The following CCBE1 variants were observed in gnomAD, a reference collection of about 807,000 sequenced individuals.
The protein encoded by CCBE1 is collagen and calcium-binding EGF domain-containing protein 1.
CCBE1 carries 37 observed loss-of-function variants against 50.0 expected under a neutral mutation model. That is an observed-to-expected ratio of 0.74 (90% CI 0.57 to 0.97). The LOEUF (loss-of-function observed/expected upper bound fraction) is 0.97, where lower values mean the gene tolerates loss of function less well. CCBE1 is among the 50% of genes least tolerant of loss of function. The probability of loss-of-function intolerance (pLI) is 0.00; values close to 1 mark genes in which losing one functional copy is unlikely to be tolerated. For synonymous variants in CCBE1, 234 were observed against 203.7 expected, an observed-to-expected ratio of 1.15 and a Z score of -1.27; for missense variants, 538 against 523.8, an observed-to-expected ratio of 1.03 and a Z score of -0.26.
intron 2 of CCBE1, among the ~76,000 whole-genome samples, chr18:59,669,864 G>A (rs1035678675): frequency 3.3e-5 from 5 of 152,148 alleles, no homozygotes; most frequent in African/African-American, 4.8e-5. Context: ...AATTACTAAC[G>A]CCATGGGGTT....
intron 2 of CCBE1, among the ~76,000 whole-genome samples, chr18:59,531,195 G>A (rs576151707): frequency 1.4e-4 from 21 of 152,090 alleles, no homozygotes; most frequent in African/African-American, 4.1e-4. Flanking sequence ...TTGGCCATGC[G>A]ATTACCAAAA....
intron 2 of CCBE1, among the ~76,000 whole-genome samples, chr18:59,651,022 G>A (rs538945773): frequency 2.6e-5 from 4 of 152,224 alleles, no homozygotes; most frequent in Admixed American, 2.6e-4. Flanking sequence ...AGTTTATTAA[G>A]AACTAACCTT....
chr18:59,606,781 C>G (rs577267176), intron 2 of CCBE1, among the ~76,000 whole-genome samples: 16 of 152,086 alleles, frequency 1.1e-4, no homozygotes, highest in Non-Finnish European at 2.4e-4. Context: ...ATGGGTTAAC[C>G]TTATATTTGC....
At chr18:59,547,320 G>A (rs368259510) in intron 2 of CCBE1, among the ~76,000 whole-genome samples, 8 of 152,136 alleles carry the variant, frequency 5.3e-5, no homozygotes, top group Admixed American at 6.5e-5. Context: ...TCTGGAGTTC[G>A]AGTTGACCTT....
chr18:59,671,998 A>C lies in CCBE1; in HGVS notation c.212+24631T>G, dbSNP rs2144711500. Among the ~76,000 whole-genome samples, 2 of 152,290 alleles carry C rather than the reference A, an allele frequency of 1.3e-5. 1 individual carries two copies. Reference sequence around the variant, plus strand: ...CCTCAACAGGACAGAAGAAAGGATCAAGGACTTCAGCCATGGACGTGGAGA... The same window carrying C: ...CCTCAACAGGACAGAAGAAAGGATCCAGGACTTCAGCCATGGACGTGGAGA... On this transcript the variant is annotated intron_variant, in intron 2 of 10. Transcript: ENST00000439986.
In CCBE1 at chr18:59,514,356, G is replaced by T. The variant is rs7241148; in HGVS notation, c.213-34118C>A. Among the ~76,000 whole-genome samples, 214 of 151,908 alleles carry T rather than the reference G, an allele frequency of 1.4e-3. 1 individual carries two copies. The highest frequency in any genetic ancestry group is 4.9e-3 in the African/African-American group (202 of 41,410). ...CGCCCCTGACACGGCTCCTCCATCC[G>T]CACGTGGCCCTCCCAGTGAGTCATT... On this transcript the variant is annotated intron_variant, in intron 2 of 10. Transcript: ENST00000439986.
chr18:59,650,406 A>G (rs1227368534), intron 2 of CCBE1, among the ~76,000 whole-genome samples: 1 of 150,872 alleles, frequency 6.6e-6, no homozygotes, highest in African/African-American at 2.4e-5. Context: ...ATGTAATGAC[A>G]TTTAGCCTCC....
At chr18:59,659,881 G>T (rs1415716539) in intron 2 of CCBE1, among the ~76,000 whole-genome samples, 8 of 152,186 alleles carry the variant, frequency 5.3e-5, no homozygotes, top group Non-Finnish European at 1.0e-4. Context: ...ACAAAGCAGA[G>T]CTCAGAGGTC....
intron 2 of CCBE1, among the ~76,000 whole-genome samples, chr18:59,679,342 G>GA (rs1003634711): frequency 3.8e-4 from 57 of 151,726 alleles, no homozygotes; most frequent in Admixed American, 1.4e-3. Flanking sequence ...TTTATCCAAG[G>GA]AAAAAAAATG....
chr18:59,584,185 T>C (rs2053139115), intron 2 of CCBE1, among the ~76,000 whole-genome samples: 1 of 151,720 alleles, frequency 6.6e-6, no homozygotes, highest in Admixed American at 6.6e-5. Context: ...ACATGATGAG[T>C]TCATGTCCTT....
chr18:59,640,500 A>G lies in CCBE1; in HGVS notation c.212+56129T>C, dbSNP rs545265848. On this transcript the variant is annotated intron_variant, in intron 2 of 10. Coordinates refer to ENST00000439986, the MANE Select transcript of CCBE1 (RefSeq NM_133459.4). ...TCAACTCAAGATGGATTAAAGACTT[A>G]AACATAATGCCCAAGACTATAAAAA... is the stretch of plus-strand genomic sequence containing the variant. 2.0e-5 allele frequency among the ~76,000 whole-genome samples: 3 copies of G among 152,294 alleles called. No homozygotes were observed. In the South Asian group the frequency reaches 6.2e-4, roughly 32 times the overall value.
chr18:59,530,548 A>C (rs113455448), intron 2 of CCBE1, among the ~76,000 whole-genome samples: 3,431 of 152,248 alleles, frequency 0.023, 117 homozygotes, highest in African/African-American at 0.077. Flanking sequence ...ACATGCCATT[A>C]TCTCTCAGAA....
chr18:59,600,963 C>T (rs1306535858), intron 2 of CCBE1, among the ~76,000 whole-genome samples: 1 of 147,550 alleles, frequency 6.8e-6, no homozygotes, highest in Non-Finnish European at 1.5e-5. Context: ...GAAGAAGGGG[C>T]CCATTCTGTA....
intron 5 of CCBE1, chr18:59,459,224 A>G (rs1911348487): frequency 6.6e-6 from 1 of 152,174 alleles, no homozygotes; most frequent in African/African-American, 2.4e-5. Context: ...ACCTTACATC[A>G]CCTTTTCAAT....
chr18:59,679,535 G>A (rs549327817), intron 2 of CCBE1, among the ~76,000 whole-genome samples: 8 of 152,222 alleles, frequency 5.3e-5, no homozygotes, highest in Non-Finnish European at 2.9e-5. Context: ...CAGAATTTTC[G>A]TATGAGCATA....
At chr18:59,437,650 A>G (rs1238234112) in intron 10 of CCBE1, among the ~76,000 whole-genome samples, 3 of 151,786 alleles carry the variant, frequency 2.0e-5, no homozygotes, top group African/African-American at 4.8e-5. Flanking sequence ...ATATGCAGCT[A>G]ATTTCTTCTC....
At chr18:59,619,496 G>T (rs1003321554) in intron 2 of CCBE1, among the ~76,000 whole-genome samples, 1 of 152,166 alleles carries the variant, frequency 6.6e-6, no homozygotes, top group Non-Finnish European at 1.5e-5. Flanking sequence ...AAAGCAAGTT[G>T]TTGTAAAGGT....
intron 2 of CCBE1, among the ~76,000 whole-genome samples, chr18:59,545,618 A>T (rs1915651474): frequency 6.6e-6 from 1 of 152,202 alleles, no homozygotes; most frequent in Non-Finnish European, 1.5e-5. Context: ...ACCAATGATA[A>T]GGTTTGGCTG....
At chr18:59,494,187 G>A (rs953025778) in intron 2 of CCBE1, among the ~76,000 whole-genome samples, 1 of 152,334 alleles carries the variant, frequency 6.6e-6, no homozygotes, top group South Asian at 2.1e-4. Flanking sequence ...AATTTCAGGA[G>A]CCAGGGAAAT....
Sources: gnomAD v4.1 joint callset for allele counts (sites outside exome capture counted in the v4.1 genomes callset) on GRCh38, gnomAD v4.1.1 for gene constraint, MANE v1.5 for transcripts, NCBI Gene and HGNC (gene_info 2026-07-23, HGNC 2026-07-21) for gene names.